IL17RD: variants seen among roughly 807,000 people sequenced by gnomAD.
The protein encoded by IL17RD is interleukin-17 receptor D.
A neutral mutation model predicts 80.5 loss-of-function variants in IL17RD; 52 were observed. The observed-to-expected ratio is 0.65, with a 90% CI of 0.52 to 0.81. The LOEUF (loss-of-function observed/expected upper bound fraction) is 0.81. Ranked by LOEUF, IL17RD falls within the 40% of genes least tolerant of loss-of-function variation. The pLI is 0.00. For missense variants in IL17RD, 1,024 were observed against 955.1 expected (o/e 1.07, Z -0.95); for synonymous variants, 416 against 391.8 (o/e 1.06, Z -0.73).
upstream of IL17RD, among the ~76,000 whole-genome samples, chr3:57,169,881 C>G (rs1236723049): frequency 6.6e-6 from 1 of 152,136 alleles, no homozygotes; most frequent in African/African-American, 2.4e-5. Flanking sequence ...GGCTACCTGG[C>G]AGTCTTGGCT....
rs980719268 is a variant in IL17RD at position 57,093,713 on chromosome 3, GTCTGTTGAGGTGGTC to G, written c.*2665_*2679del. The G allele has an allele frequency of 7.9e-5, 12 of 152,208 alleles. No individual in the cohort carries two copies. Among genetic ancestry groups the G allele is most frequent in the African/African-American group, 2.2e-4 (9 of 41,438 alleles). The allele number at this position is 152,208 out of a possible 1,614,324, so 9.4% of individuals were successfully genotyped here. A position where few individuals can be genotyped will look rare whatever the true frequency, so the allele number is the denominator to read the frequency against. ...TTGGCACCTTGTATGGCTGGGCTGA[GTCTGTTGAGGTGGTC>G]TCTGTTGAGGTGGTCTCTGTTGCTT... On this transcript the variant is annotated 3_prime_UTR_variant, in exon 13 of 13. Coordinates refer to ENST00000296318, the MANE Select transcript of IL17RD (RefSeq NM_017563.5).
chr3:57,111,616 A>G (rs1408126771), intron 3 of IL17RD, among the ~76,000 whole-genome samples: 1 of 152,210 alleles, frequency 6.6e-6, no homozygotes, highest in African/African-American at 2.4e-5. Flanking sequence ...CAGAATGACT[A>G]GTTAACGAAA....
chr3:57,126,741 GT>G (rs1467376169), intron 1 of IL17RD, among the ~76,000 whole-genome samples: 1 of 152,300 alleles, frequency 6.6e-6, no homozygotes, highest in East Asian at 1.9e-4. Context: ...TTCAAATCAA[GT>G]AAGGAACTTT....
At chr3:57,104,953 C>T (rs1706920265) in intron 7 of IL17RD, among the ~76,000 whole-genome samples, 1 of 152,152 alleles carries the variant, frequency 6.6e-6, no homozygotes, top group African/African-American at 2.4e-5. Context: ...AAACGGTTTC[C>T]ACTCTTCTGA....
intron 1 of IL17RD, among the ~76,000 whole-genome samples, chr3:57,127,559 CCAT>C (rs1218346595): frequency 6.6e-6 from 1 of 150,914 alleles, no homozygotes; most frequent in Non-Finnish European, 1.5e-5. Flanking sequence ...GCGCCCACCA[CCAT>C]GTCTGGCTAA....
At chr3:57,118,441 A>C (rs1450197251) in intron 2 of IL17RD, among the ~76,000 whole-genome samples, 1 of 152,242 alleles carries the variant, frequency 6.6e-6, no homozygotes, top group African/African-American at 2.4e-5. Context: ...GCCTCAATGC[A>C]ACCTAAGCCC....
At chr3:57,165,376 G>T (rs1422455251), upstream of IL17RD, 11 of 1,128,030 alleles carry the variant, frequency 9.8e-6, no homozygotes, top group East Asian at 8.3e-5. Flanking sequence ...CGGCGGCCGC[G>T]GCGGCAGCGA....
At chr3:57,164,977 G>A (rs2060336807) in intron 1 of IL17RD, 184 bp downstream of exon 1, 1 of 1,331,208 alleles carries the variant, frequency 7.5e-7, no homozygotes, top group African/African-American at 1.6e-5. Flanking sequence ...TCTCGGCCAG[G>A]GCCGGAGGAC....
chr3:57,141,895 G>T (rs1259616145), intron 1 of IL17RD, among the ~76,000 whole-genome samples: 1 of 152,154 alleles, frequency 6.6e-6, no homozygotes, highest in Non-Finnish European at 1.5e-5. Flanking sequence ...CTCAGATCTG[G>T]AACACTGTTA....
At chr3:57,163,247 G>A (rs1422230478) in intron 1 of IL17RD, among the ~76,000 whole-genome samples, 1 of 152,168 alleles carries the variant, frequency 6.6e-6, no homozygotes, top group East Asian at 1.9e-4. Context: ...CCAAGGAAAC[G>A]ATTGGTGGGG....
Position 57,097,702 on chromosome 3 carries a change from C to G in IL17RD, c.2001G>C (p.Ser667=), listed in dbSNP as rs770361295. The change falls in exon 12 of 13, where the codon TCG becomes TCC. Residue 667 remains serine (S), a synonymous_variant. Coordinates refer to ENST00000296318, the MANE Select transcript of IL17RD (RefSeq NM_017563.5). ...DMPRDSGIYD[S]SVPSSELSLP... is the part of the protein sequence containing the mutation. ...GAGACAGCTCGGATGAGGGCACAGA[C>G]GAGTCATAGATGCCTGAGTCCCGCG... 6 of 1,605,218 alleles carry G rather than the reference C, an allele frequency of 3.7e-6. No homozygotes were observed. The South Asian group carries it at 4.5e-5, about 12-fold the overall frequency.
chr3:57,096,501 C>G lies in IL17RD; in HGVS notation c.2112G>C (p.Glu704Asp), dbSNP rs576915574. ...ESVSSSSGLG[E>D]EEPPALPSKL... Reference sequence around the variant, plus strand: ...TGGAAGGAAGGGCAGGAGGTTCCTCCTCACCTAAGGAGAGAAGAGAGTACA... The same window carrying G: ...TGGAAGGAAGGGCAGGAGGTTCCTCGTCACCTAAGGAGAGAAGAGAGTACA... Residue 704 changes from glutamate to aspartate, a missense_variant, in exon 13 of 13, where the codon GAG becomes GAC. By Grantham distance (45) the Glu-to-Asp change is conservative (BLOSUM62 2). Transcript: ENST00000296318. 4 of 1,605,388 alleles carry G rather than the reference C, an allele frequency of 2.5e-6. No homozygotes were observed. In the African/African-American group the frequency reaches 5.4e-5, roughly 21 times the overall value.
rs138977358 is a variant in IL17RD at position 57,113,216 on chromosome 3, T to C, written c.310+1476A>G. On this transcript the variant is annotated intron_variant, in intron 3 of 12. Transcript: ENST00000296318. ...ATAATACAGGTTTGCTTTTTTCTTT[T>C]AGTTTTTTCTTTTGTTTTTTATTTA... Among the ~76,000 whole-genome samples, 339 of 152,310 alleles carry C rather than the reference T, an allele frequency of 2.2e-3. 1 individual carries two copies. Among genetic ancestry groups the C allele is most frequent in the African/African-American group, 7.6e-3 (314 of 41,570 alleles).
At chr3:57,152,200 A>G (rs898281623) in intron 1 of IL17RD, among the ~76,000 whole-genome samples, 2 of 151,886 alleles carry the variant, frequency 1.3e-5, no homozygotes, top group Non-Finnish European at 2.9e-5. Flanking sequence ...GCCCCCGACC[A>G]AAGCATACCC....
rs866130349 is a variant in IL17RD at position 57,098,349 on chromosome 3, C to A, written c.1354G>T (p.Val452Leu). ...TTTTCGGCAATGGCTGACACCGCCA[C>A]CAGGAAGAGCTCTCCTTTCCCCGAG... ...RGSGKGELFL[V>L]AVSAIAEKLR... Residue 452 changes from valine to leucine, a missense_variant, in exon 12 of 13, where the codon GTG becomes TTG. Transcript: ENST00000296318. 6.2e-7 allele frequency: 1 copy of A among 1,614,018 alleles called. No individual in the cohort carries two copies. Among genetic ancestry groups the A allele is most frequent in the Non-Finnish European group, 8.5e-7 (1 of 1,179,894 alleles).
chr3:57,160,789 A>G (rs952105961), intron 1 of IL17RD, among the ~76,000 whole-genome samples: 1 of 152,204 alleles, frequency 6.6e-6, no homozygotes, highest in Non-Finnish European at 1.5e-5. Flanking sequence ...TGGTTACAGC[A>G]TGCGTATCCT....
At chr3:57,117,695 A>G (rs1156792589) in intron 2 of IL17RD, among the ~76,000 whole-genome samples, 2 of 152,216 alleles carry the variant, frequency 1.3e-5, no homozygotes, top group African/African-American at 4.8e-5. Flanking sequence ...ACTGAGCAGT[A>G]ACAGGAACTT....
intron 2 of IL17RD, among the ~76,000 whole-genome samples, chr3:57,117,112 A>AT (rs1484071837): frequency 3.1e-4 from 27 of 87,966 alleles, no homozygotes; most frequent in South Asian, 6.1e-4. Flanking sequence ...AAAGTTTAAG[A>AT]ATTTTTTTTT....
intron 1 of IL17RD, among the ~76,000 whole-genome samples, chr3:57,145,006 A>T (rs1376502957): frequency 6.6e-6 from 1 of 152,218 alleles, no homozygotes; most frequent in Non-Finnish European, 1.5e-5. Flanking sequence ...AGAGGGTAAA[A>T]AATGAACGAC....
Sources: gnomAD v4.1 joint callset for allele counts (sites outside exome capture counted in the v4.1 genomes callset) on GRCh38, gnomAD v4.1.1 for gene constraint, MANE v1.5 for transcripts, NCBI Gene and HGNC (gene_info 2026-07-23, HGNC 2026-07-21) for gene names.